Variants in TMEM132C observed in about 807,000 individuals in gnomAD.
TMEM132C encodes the protein protein phosphatase 1, regulatory subunit 152.
A neutral mutation model predicts 61.4 loss-of-function variants in TMEM132C; 29 were observed. The ratio of observed to expected loss-of-function variants is 0.47; its 90% CI spans 0.35 to 0.64. The LOEUF (loss-of-function observed/expected upper bound fraction) is 0.64, where lower values mean the gene tolerates loss of function less well. Among genes scored for constraint, TMEM132C ranks in the 30% least tolerant of loss-of-function variants. The pLI, the probability that TMEM132C is intolerant of heterozygous loss-of-function variation, is 0.00. For missense variants in TMEM132C, 1,408 were observed against 1,476.9 expected (o/e 0.95, Z 0.76); for synonymous variants, 656 against 633.1 (o/e 1.04, Z -0.54).
At chr12:128,686,416 C>T (rs1456744960) in intron 5 of TMEM132C, among the ~76,000 whole-genome samples, 1 of 152,124 alleles carries the variant, frequency 6.6e-6, no homozygotes, top group Non-Finnish European at 1.5e-5. Flanking sequence ...ATAGCAAGAC[C>T]CCATCTCTTA....
chr12:128,296,709 C>T (rs920400227), intron 1 of TMEM132C, among the ~76,000 whole-genome samples: 1 of 152,166 alleles, frequency 6.6e-6, no homozygotes, highest in African/African-American at 2.4e-5. Flanking sequence ...AGGTTCATGA[C>T]TGTGAGTGTC....
intron 1 of TMEM132C, among the ~76,000 whole-genome samples, chr12:128,339,451 C>A (rs1048201379): frequency 6.6e-6 from 1 of 151,998 alleles, no homozygotes; most frequent in Non-Finnish European, 1.5e-5. Context: ...TTCAGCACAG[C>A]GTGTTCCTAG....
At chr12:128,329,845 T>C (rs1465631432) in intron 1 of TMEM132C, among the ~76,000 whole-genome samples, 1 of 152,142 alleles carries the variant, frequency 6.6e-6, no homozygotes, top group African/African-American at 2.4e-5. Context: ...AAGCCAAATA[T>C]TTACTCAAGA....
At chr12:128,329,000 A>G (rs1198819731) in intron 1 of TMEM132C, among the ~76,000 whole-genome samples, 1 of 151,902 alleles carries the variant, frequency 6.6e-6, no homozygotes, top group Non-Finnish European at 1.5e-5. Flanking sequence ...CTTGGTTTCC[A>G]TGAGAACTTC....
chr12:128,520,450 G>T (rs1411894499), intron 2 of TMEM132C, among the ~76,000 whole-genome samples: 1 of 152,146 alleles, frequency 6.6e-6, no homozygotes. Context: ...ATGAACCCTT[G>T]GTTCACCCTT....
At chr12:128,277,341 C>G (rs568597432) in intron 1 of TMEM132C, among the ~76,000 whole-genome samples, 72 of 152,330 alleles carry the variant, frequency 4.7e-4, no homozygotes, top group African/African-American at 1.7e-3. Context: ...GCTCTGTCCT[C>G]TTTGCTGTCT....
chr12:128,681,692 C>G (rs2398420), intron 5 of TMEM132C, among the ~76,000 whole-genome samples: 75,710 of 144,474 alleles, frequency 0.52, 19,801 homozygotes, highest in Admixed American at 0.55. Flanking sequence ...CTCACCCTAT[C>G]TCCCAGGCTG....
intron 4 of TMEM132C, among the ~76,000 whole-genome samples, chr12:128,628,200 G>A (rs1168709507): frequency 6.6e-6 from 1 of 152,084 alleles, no homozygotes; most frequent in East Asian, 1.9e-4. Context: ...CTGACCCCTG[G>A]GAGCCCCTTC....
intron 1 of TMEM132C, among the ~76,000 whole-genome samples, chr12:128,407,165 G>A (rs1290403420): frequency 1.3e-5 from 2 of 152,162 alleles, no homozygotes; most frequent in East Asian, 1.9e-4. Context: ...GCAGGTTTTT[G>A]TGCTGTTCTC....
At chr12:128,541,986 C>T (rs1358727557) in intron 2 of TMEM132C, among the ~76,000 whole-genome samples, 1 of 152,184 alleles carries the variant, frequency 6.6e-6, no homozygotes, top group Non-Finnish European at 1.5e-5. Flanking sequence ...ATACCCATAC[C>T]CAATGTGAAG....
intron 2 of TMEM132C, among the ~76,000 whole-genome samples, chr12:128,501,619 G>A (rs1247997546): frequency 6.6e-6 from 1 of 152,198 alleles, no homozygotes; most frequent in African/African-American, 2.4e-5. Flanking sequence ...GAAGGCCAGA[G>A]CTTCAATTAT....
chr12:128,580,876 G>A (rs752373225), intron 3 of TMEM132C, among the ~76,000 whole-genome samples: 41 of 152,116 alleles, frequency 2.7e-4, no homozygotes, highest in African/African-American at 6.0e-4. Flanking sequence ...GTAATTCTTC[G>A]TGATGGGGGC....
chr12:128,287,708 C>T (rs528576557), intron 1 of TMEM132C, among the ~76,000 whole-genome samples: 1 of 152,290 alleles, frequency 6.6e-6, no homozygotes, highest in South Asian at 2.1e-4. Flanking sequence ...TCGAATGTTT[C>T]CAGTTATTCC....
At chr12:128,312,176 CAT>C (rs966708882) in intron 1 of TMEM132C, among the ~76,000 whole-genome samples, 33 of 152,198 alleles carry the variant, frequency 2.2e-4, no homozygotes, top group African/African-American at 7.7e-4. Context: ...CCCCAAATCT[CAT>C]GTCCACCCTG....
intron 1 of TMEM132C, among the ~76,000 whole-genome samples, chr12:128,309,475 A>G (rs1337049128): frequency 6.6e-6 from 1 of 152,098 alleles, no homozygotes; most frequent in Non-Finnish European, 1.5e-5. Flanking sequence ...ACATCTCTCT[A>G]GTTTCAAAAC....
At chr12:128,277,725 A>C (rs911433485) in intron 1 of TMEM132C, among the ~76,000 whole-genome samples, 2 of 152,200 alleles carry the variant, frequency 1.3e-5, no homozygotes. Flanking sequence ...ATCAAAAGCC[A>C]CTGGATGGCC....
intron 1 of TMEM132C, among the ~76,000 whole-genome samples, chr12:128,292,177 T>C (rs996099920): frequency 6.6e-6 from 1 of 152,250 alleles, no homozygotes; most frequent in Non-Finnish European, 1.5e-5. Context: ...TTTTTCTGGC[T>C]GAATTCTGAC....
At position 128,321,170 on chromosome 12, in the gene TMEM132C, A is replaced by G. The variant is rs894265483; in HGVS notation, c.85+53683A>G. On this transcript the variant is annotated intron_variant, in intron 1 of 8. Coordinates refer to ENST00000435159, the MANE Select transcript of TMEM132C (RefSeq NM_001136103.3). ...AATAATAATAATAATAATAATAATAATAATAATAATGCCAACATTTCTTTT... is the reference window on the plus strand; with the variant it reads ...AATAATAATAATAATAATAATAATAGTAATAATAATGCCAACATTTCTTTT... 3.5e-4 allele frequency among the ~76,000 whole-genome samples: 53 copies of G among 149,524 alleles called. 1 individual carries two copies. The South Asian group carries it at 0.011, about 31-fold the overall frequency.
At chr12:128,306,362 T>A (rs1422541741) in intron 1 of TMEM132C, among the ~76,000 whole-genome samples, 1 of 151,986 alleles carries the variant, frequency 6.6e-6, no homozygotes, top group Non-Finnish European at 1.5e-5. Flanking sequence ...CCACCACGCC[T>A]GGCTAATTTT....
Sources: gnomAD v4.1 joint callset for allele counts (sites outside exome capture counted in the v4.1 genomes callset) on GRCh38, gnomAD v4.1.1 for gene constraint, MANE v1.5 for transcripts, NCBI Gene and HGNC (gene_info 2026-07-23, HGNC 2026-07-21) for gene names.